Variants in CADPS observed in about 807,000 individuals in gnomAD.
CADPS encodes calcium-dependent secretion activator 1.
A neutral mutation model predicts 167.3 loss-of-function variants in CADPS; 57 were observed. That is an observed-to-expected ratio of 0.34 (90% CI 0.28 to 0.42). CADPS has a LOEUF of 0.42. CADPS is among the 20% of genes least tolerant of loss of function. The pLI is 1.00. For synonymous variants in CADPS, 676 were observed against 635.3 expected (o/e 1.06, Z -0.96); for missense variants, 1,414 against 1,738.1 (o/e 0.81, Z 3.32).
intron 6 of CADPS, among the ~76,000 whole-genome samples, chr3:62,608,081 A>G (rs995251504): frequency 2.6e-5 from 4 of 152,120 alleles, no homozygotes; most frequent in African/African-American, 9.7e-5. Flanking sequence ...GTATATTGAC[A>G]CTATCACAGC....
chr3:62,751,121 G>A (rs989759896), intron 3 of CADPS, among the ~76,000 whole-genome samples: 1 of 152,130 alleles, frequency 6.6e-6, no homozygotes, highest in Admixed American at 6.5e-5. Context: ...GCCACAGTAA[G>A]TTTAGAGAAT....
chr3:62,557,349 T>G, intron 10 of CADPS, 56 bp downstream of exon 10: 2 of 1,164,758 alleles, frequency 1.7e-6, no homozygotes, highest in Non-Finnish European at 2.6e-6. Context: ...TAGTTGACCA[T>G]TGATTTGGGA....
rs543608520 is a variant in CADPS, at chr3:62,862,312, G to T, written c.441+12277C>A. On this transcript the variant is annotated intron_variant, in intron 1 of 29. Coordinates refer to ENST00000383710, the MANE Select transcript of CADPS (RefSeq NM_003716.4). ...GCTCACTGCAACCTCCGCCTCCCGG[G>T]TTCAAGTGATTCTTCTGCCTCAACT... Among the ~76,000 whole-genome samples the T allele has an allele frequency of 2.5e-4, 38 of 151,488 alleles. 1 individual carries two copies. The South Asian group carries it at 6.9e-3, about 28-fold the overall frequency.
chr3:62,510,840 G>C (rs1327590496), intron 17 of CADPS, among the ~76,000 whole-genome samples: 1 of 152,042 alleles, frequency 6.6e-6, no homozygotes, highest in African/African-American at 2.4e-5. Context: ...AGGGAGGGAA[G>C]GGGTAAGAAA....
At position 62,737,320 on chromosome 3, in the gene CADPS, G is replaced by C. The variant is rs916368799; in HGVS notation, c.888+16121C>G. Among the ~76,000 whole-genome samples the C allele has an allele frequency of 2.6e-5, 4 of 151,240 alleles. No individual in the cohort carries two copies. The East Asian group carries it at 5.9e-4, about 22-fold the overall frequency. On this transcript the variant is annotated intron_variant, in intron 3 of 29. Coordinates refer to ENST00000383710, the MANE Select transcript of CADPS (RefSeq NM_003716.4). ...AAACAAAAACAAAAACAAAAACATAGTAGCCAGGTGTGGTGGCACATGCCT... is the reference window on the plus strand; with the variant it reads ...AAACAAAAACAAAAACAAAAACATACTAGCCAGGTGTGGTGGCACATGCCT...
chr3:62,730,327 A>G (rs751593010), intron 3 of CADPS, among the ~76,000 whole-genome samples: 8 of 152,170 alleles, frequency 5.3e-5, no homozygotes, highest in South Asian at 2.1e-4. Flanking sequence ...TGCTACTGGT[A>G]TCTAGTGAGT....
chr3:62,740,482 T>G (rs889405633), intron 3 of CADPS, among the ~76,000 whole-genome samples: 1 of 152,220 alleles, frequency 6.6e-6, no homozygotes, highest in Admixed American at 6.5e-5. Flanking sequence ...ACACTTATGA[T>G]ACAAATTTGT....
intron 7 of CADPS, among the ~76,000 whole-genome samples, chr3:62,591,446 G>A (rs955731447): frequency 2.0e-5 from 3 of 152,146 alleles, no homozygotes; most frequent in African/African-American, 7.2e-5. Context: ...TTGGGAGGTG[G>A]GGAAATGACA....
Position 62,601,561 on chromosome 3 carries a change from T to C in CADPS, c.1326-8813A>G, listed in dbSNP as rs1342374481. Among the ~76,000 whole-genome samples, 8 of 152,174 alleles carry C rather than the reference T, an allele frequency of 5.3e-5. No individual in the cohort carries two copies. The highest frequency in any genetic ancestry group is 1.2e-4 in the Non-Finnish European group (8 of 68,038). On this transcript the variant is annotated intron_variant, in intron 6 of 29. Coordinates refer to ENST00000383710, the MANE Select transcript of CADPS (RefSeq NM_003716.4). This position sits in a 1 kb window ranked among gnomAD's most constrained non-coding sequence, Gnocchi z 4.3. The stretch of plus-strand genomic sequence containing the variant: ...ACAGCTGACCCCATGGGGATCCAAT[T>C]TGCTGCTCTAAATTCTTCATGGAGC...
intron 26 of CADPS, among the ~76,000 whole-genome samples, chr3:62,460,115 CTA>C (rs1370935521): frequency 2.6e-5 from 4 of 152,184 alleles, no homozygotes; most frequent in Non-Finnish European, 5.9e-5. Flanking sequence ...GTCTTAATAA[CTA>C]TGCGACTTTG....
At chr3:62,822,089 C>T (rs765807820) in intron 1 of CADPS, among the ~76,000 whole-genome samples, 4 of 152,122 alleles carry the variant, frequency 2.6e-5, no homozygotes, top group Non-Finnish European at 5.9e-5. Flanking sequence ...CAGCTAAAGG[C>T]TGGAGAAAAT....
At chr3:62,590,624 G>A (rs77681660) in intron 7 of CADPS, among the ~76,000 whole-genome samples, 1,739 of 152,092 alleles carry the variant, frequency 0.011, 32 homozygotes, top group African/African-American at 0.039. Context: ...ATGAAAGCCA[G>A]ATTGGAAAAA....
intron 18 of CADPS, among the ~76,000 whole-genome samples, chr3:62,496,087 T>A (rs1473508670): frequency 3.4e-5 from 5 of 148,618 alleles, no homozygotes; most frequent in South Asian, 4.2e-4. Flanking sequence ...TTTTTTTTTT[T>A]AATATACTGA....
intron 24 of CADPS, among the ~76,000 whole-genome samples, chr3:62,468,737 C>G (rs948866871): frequency 1.3e-5 from 2 of 152,192 alleles, no homozygotes; most frequent in African/African-American, 4.8e-5. Flanking sequence ...CAAATATGAT[C>G]ATCTCCATTC....
chr3:62,631,649 C>G (rs1203865991), intron 6 of CADPS, among the ~76,000 whole-genome samples: 2 of 152,126 alleles, frequency 1.3e-5, no homozygotes, highest in Non-Finnish European at 2.9e-5. Context: ...AATTGTGCAG[C>G]TTTTTATATA....
At chr3:62,675,304 G>C (rs1034982761) in intron 3 of CADPS, among the ~76,000 whole-genome samples, 2 of 152,066 alleles carry the variant, frequency 1.3e-5, no homozygotes, top group African/African-American at 4.8e-5. Flanking sequence ...ATAAGCATTA[G>C]TGTGTCTGCC....
chr3:62,506,112 G>A (rs1049445167), intron 17 of CADPS, among the ~76,000 whole-genome samples: 1 of 152,182 alleles, frequency 6.6e-6, no homozygotes, highest in African/African-American at 2.4e-5. Flanking sequence ...TAAGACAGCT[G>A]TGCGCGGTGG....
At chr3:62,501,666 C>T (rs910352061) in intron 17 of CADPS, among the ~76,000 whole-genome samples, 2 of 152,094 alleles carry the variant, frequency 1.3e-5, no homozygotes, top group Non-Finnish European at 2.9e-5. Flanking sequence ...GAAACACTCC[C>T]CAAATCTAGG....
At chr3:62,747,887 G>T (rs1230662294) in intron 3 of CADPS, among the ~76,000 whole-genome samples, 1 of 152,016 alleles carries the variant, frequency 6.6e-6, no homozygotes, top group Non-Finnish European at 1.5e-5. Context: ...AGTGTGATCA[G>T]TAAGAGAAAA....
Sources: gnomAD v4.1 joint callset for allele counts (sites outside exome capture counted in the v4.1 genomes callset) on GRCh38, gnomAD v4.1.1 for gene constraint, Gnocchi (gnomAD v3.1) non-coding constraint, MANE v1.5 for transcripts, NCBI Gene and HGNC (gene_info 2026-07-23, HGNC 2026-07-21) for gene names.